Variants in CPEB3 observed in about 807,000 individuals in gnomAD.
CPEB3 encodes cytoplasmic polyadenylation element-binding protein 3.
In CPEB3, 20 loss-of-function variants were observed where a neutral mutation model predicts 67.2. The ratio of observed to expected loss-of-function variants is 0.30; its 90% CI spans 0.21 to 0.43. CPEB3 has a LOEUF of 0.43. Ranked by LOEUF, CPEB3 falls within the 20% of genes least tolerant of loss-of-function variation. CPEB3 has a pLI of 1.00. For missense variants in CPEB3, 746 were observed against 968.6 expected (o/e 0.77, Z 3.05); for synonymous variants, 376 against 393.1 (o/e 0.96, Z 0.51).
At chr10:92,103,375 T>C (rs1193361464) in intron 7 of CPEB3, among the ~76,000 whole-genome samples, 1 of 152,178 alleles carries the variant, frequency 6.6e-6, no homozygotes, top group Non-Finnish European at 1.5e-5. Context: ...CATTTTACAG[T>C]CACACTTAAA....
At chr10:92,056,637 G>T (rs894895052) in intron 9 of CPEB3, among the ~76,000 whole-genome samples, 12 of 152,124 alleles carry the variant, frequency 7.9e-5, no homozygotes, top group Admixed American at 3.3e-4. Context: ...CTTTAAATCA[G>T]CTTGAAAGTC....
intron 6 of CPEB3, among the ~76,000 whole-genome samples, chr10:92,131,879 C>T (rs1845858034): frequency 6.6e-6 from 1 of 152,116 alleles, no homozygotes; most frequent in African/African-American, 2.4e-5. Context: ...AGTTTGTTGA[C>T]CCTTGTTCTA....
chr10:92,281,130 C>T lies in CPEB3; in HGVS notation c.-12+9796G>A, dbSNP rs573491322. ...GAAATGTCTTTTCCAATTTCTTTTT[C>T]CCCAATTTAAAGACGGACAAAGGAC... On this transcript the variant is annotated intron_variant, in intron 1 of 9. Transcript: ENST00000265997. 2.5e-3 allele frequency among the ~76,000 whole-genome samples: 375 copies of T among 151,516 alleles called. 1 individual carries two copies. Among genetic ancestry groups the T allele is most frequent in the South Asian group, 5.9e-3 (28 of 4,780 alleles).
At chr10:92,281,280 A>G (rs1564930834) in intron 1 of CPEB3, among the ~76,000 whole-genome samples, 2 of 151,324 alleles carry the variant, frequency 1.3e-5, no homozygotes, top group African/African-American at 4.9e-5. Context: ...GGGTTGGTAG[A>G]GACACAATCT....
At chr10:92,071,288 G>T (rs1002669079) in intron 9 of CPEB3, among the ~76,000 whole-genome samples, 1 of 152,158 alleles carries the variant, frequency 6.6e-6, no homozygotes, top group Non-Finnish European at 1.5e-5. Context: ...AATTTCTAGC[G>T]GACAACATGA....
chr10:92,091,421 C>G (rs1465489906), intron 8 of CPEB3, among the ~76,000 whole-genome samples: 2 of 151,382 alleles, frequency 1.3e-5, no homozygotes, highest in African/African-American at 4.9e-5. Context: ...TGATTCTGCT[C>G]AAATCCAGCA....
chr10:92,259,478 A>G (rs1199945681), intron 1 of CPEB3, among the ~76,000 whole-genome samples: 1 of 151,874 alleles, frequency 6.6e-6, no homozygotes, highest in Non-Finnish European at 1.5e-5. Context: ...GCACATGCCT[A>G]TAATCCCAGC....
chr10:92,233,160 G>A (rs564676121), intron 2 of CPEB3, among the ~76,000 whole-genome samples: 33 of 152,126 alleles, frequency 2.2e-4, no homozygotes, highest in African/African-American at 7.0e-4. Flanking sequence ...TTAAATCTAG[G>A]TCATACTATC....
chr10:92,218,812 TC>T (rs1850559700), intron 2 of CPEB3, among the ~76,000 whole-genome samples: 2 of 151,844 alleles, frequency 1.3e-5, no homozygotes, highest in African/African-American at 4.8e-5. Context: ...CCCCACCTTT[TC>T]TTTTTTTTTT....
At chr10:92,106,585 C>T (rs1304387742) in intron 7 of CPEB3, among the ~76,000 whole-genome samples, 3 of 151,590 alleles carry the variant, frequency 2.0e-5, no homozygotes, top group Admixed American at 6.6e-5. Flanking sequence ...GAGTCCAAGG[C>T]GGGTGGATCA....
chr10:92,289,751 A>ATATATATGTATTATATATTATAAATG (rs1564936713), intron 1 of CPEB3, among the ~76,000 whole-genome samples: 10 of 119,228 alleles, frequency 8.4e-5, no homozygotes, highest in Non-Finnish European at 1.4e-4. Flanking sequence ...ATATATATAT[A>ATATATATGTATTATATATTATAAATG]TATATATGTA....
chr10:92,189,948 G>GA (rs1166170805), intron 3 of CPEB3, among the ~76,000 whole-genome samples: 17 of 147,718 alleles, frequency 1.2e-4, no homozygotes, highest in South Asian at 1.1e-3. Flanking sequence ...TAAGCTCTAG[G>GA]AAAAAAAAAC....
At chr10:92,141,664 A>G (rs1247006986) in intron 6 of CPEB3, among the ~76,000 whole-genome samples, 2 of 150,856 alleles carry the variant, frequency 1.3e-5, no homozygotes, top group Non-Finnish European at 3.0e-5. Context: ...AGTTATTGAA[A>G]TAAAAATAAT....
intron 6 of CPEB3, among the ~76,000 whole-genome samples, chr10:92,130,786 A>G (rs1845812195): frequency 6.6e-6 from 1 of 152,150 alleles, no homozygotes; most frequent in Non-Finnish European, 1.5e-5. Context: ...TGCTGCATGA[A>G]CAGATGATTC....
At chr10:92,278,080 G>A (rs957768141) in intron 1 of CPEB3, among the ~76,000 whole-genome samples, 6 of 151,418 alleles carry the variant, frequency 4.0e-5, no homozygotes, top group Admixed American at 6.6e-5. Flanking sequence ...CAGTTACTCC[G>A]GAAGCTGAGG....
At chr10:92,262,841 T>C (rs1185135476) in intron 1 of CPEB3, among the ~76,000 whole-genome samples, 1 of 152,106 alleles carries the variant, frequency 6.6e-6, no homozygotes, top group Non-Finnish European at 1.5e-5. Flanking sequence ...TTTGAGACAG[T>C]GTCTTCTTAC....
In CPEB3 at chr10:92,239,450, T is replaced by A. The variant is rs1265500532; in HGVS notation, c.901A>T (p.Ile301Phe). The stretch of plus-strand genomic sequence containing the variant: ...GCGCGAGGGAACTTGGGCGGCGCGA[T>A]CACGTTGCTGGAGAAGGGCTTTTTG... ...PLKKPFSSNV[I>F]APPKFPRAAP... Residue 301 changes from isoleucine (I) to phenylalanine (F), a missense_variant, in exon 2 of 10, where the codon ATC becomes TTC. By Grantham distance (21) the Ile-to-Phe change is conservative (BLOSUM62 0). Transcript: ENST00000265997. This position sits in a 1 kb window ranked among gnomAD's most constrained non-coding sequence, Gnocchi z 6.0. 2.5e-6 allele frequency: 4 copies of A among 1,599,404 alleles called. No homozygotes were observed. The highest frequency in any genetic ancestry group is 3.4e-6 in the Non-Finnish European group (4 of 1,172,746).
rs749967338 is a variant in CPEB3, at chr10:92,240,289, C to CGCTGCT, written c.56_61dup (p.Gln19_Gln20dup). 9 of 1,514,888 alleles carry CGCTGCT rather than the reference C, an allele frequency of 5.9e-6. No homozygotes were observed. Among genetic ancestry groups the CGCTGCT allele is most frequent in the Middle Eastern group, 1.7e-4 (1 of 5,798 alleles). The allele number at this position is 1,514,888 out of a possible 1,614,324, so 93.8% of individuals were successfully genotyped here. On this transcript the variant is annotated inframe_insertion, in exon 2 of 10. Transcript: ENST00000265997. The stretch of plus-strand genomic sequence containing the variant: ...CTCAGGTTGGGGCTGCTGCTGCTGC[C>CGCTGCT]GCTGCTGCTGCTGGGGCTGGGGCTG...
intron 6 of CPEB3, among the ~76,000 whole-genome samples, chr10:92,135,582 C>T (rs1396181682): frequency 6.6e-6 from 1 of 152,098 alleles, no homozygotes; most frequent in East Asian, 1.9e-4. Context: ...ACTAGTTCAA[C>T]CATTGTGGAA....
Sources: gnomAD v4.1 joint callset for allele counts (sites outside exome capture counted in the v4.1 genomes callset) on GRCh38, gnomAD v4.1.1 for gene constraint, Gnocchi (gnomAD v3.1) non-coding constraint, MANE v1.5 for transcripts, NCBI Gene and HGNC (gene_info 2026-07-23, HGNC 2026-07-21) for gene names.